ROBO1: variants seen among roughly 807,000 people sequenced by gnomAD.
ROBO1 encodes roundabout guidance receptor 1.
A neutral mutation model predicts 195.9 loss-of-function variants in ROBO1; 149 were observed. That is an observed-to-expected ratio of 0.76 (90% CI 0.67 to 0.87). ROBO1 has a LOEUF of 0.87. Among genes scored for constraint, ROBO1 ranks in the 40% least tolerant of loss-of-function variants. The pLI, the probability that ROBO1 is intolerant of heterozygous loss-of-function variation, is 0.00. For synonymous variants in ROBO1, 816 were observed against 733.2 expected (o/e 1.11, Z -1.82); for missense variants, 1,933 against 2,068.3 (o/e 0.93, Z 1.27).
intron 8 of ROBO1, among the ~76,000 whole-genome samples, chr3:78,702,118 A>T (rs1451751945): frequency 1.3e-5 from 2 of 152,166 alleles, no homozygotes; most frequent in African/African-American, 4.8e-5. Context: ...AGGACACCAG[A>T]TGCTATGTAA....
chr3:79,022,643 C>T (rs890207187), intron 3 of ROBO1, among the ~76,000 whole-genome samples: 1 of 152,192 alleles, frequency 6.6e-6, no homozygotes, highest in Non-Finnish European at 1.5e-5. Flanking sequence ...CTTGACTCAT[C>T]AGTTTGGGTG....
intron 2 of ROBO1, among the ~76,000 whole-genome samples, chr3:79,579,416 G>C (rs1231777178): frequency 6.6e-6 from 1 of 152,102 alleles, no homozygotes; most frequent in Non-Finnish European, 1.5e-5. Flanking sequence ...GACACCCTTA[G>C]GTAGAAGAAA....
chr3:79,320,602 G>A lies in ROBO1; in HGVS notation c.89-195063C>T, dbSNP rs908441406. 1.1e-4 allele frequency among the ~76,000 whole-genome samples: 16 copies of A among 152,088 alleles called. No individual in the cohort carries two copies. In the East Asian group the frequency reaches 1.2e-3, roughly 11 times the overall value. ...ACCTGGGCTTCCCAAAGATCTGGGC[G>A]TCACATCTTTAATACCATCACATTG... On this transcript the variant is annotated intron_variant, in intron 2 of 30. Coordinates refer to ENST00000464233, the MANE Select transcript of ROBO1 (RefSeq NM_002941.4).
chr3:78,691,954 G>C (rs2081185040), intron 8 of ROBO1, among the ~76,000 whole-genome samples: 1 of 151,742 alleles, frequency 6.6e-6, no homozygotes, highest in African/African-American at 2.4e-5. Context: ...CCTATATGTT[G>C]CAAATATATT....
chr3:79,309,281 C>CT (rs2033369867), intron 2 of ROBO1, among the ~76,000 whole-genome samples: 1 of 152,052 alleles, frequency 6.6e-6, no homozygotes, highest in Non-Finnish European at 1.5e-5. Context: ...GAACTAATCA[C>CT]TGTGAGGCTG....
Position 79,653,896 on chromosome 3 carries a change from A to G in ROBO1, c.-50-63935T>C, listed in dbSNP as rs958237596. Reference sequence around the variant, plus strand: ...ATTTCAGTTTACAAATTATAACTGAAGATTGGAAGTTCCTTTCCCTAAACT... The same window carrying G: ...ATTTCAGTTTACAAATTATAACTGAGGATTGGAAGTTCCTTTCCCTAAACT... On this transcript the variant is annotated intron_variant, in intron 1 of 30. Coordinates refer to ENST00000464233, the MANE Select transcript of ROBO1 (RefSeq NM_002941.4). Among the ~76,000 whole-genome samples the G allele has an allele frequency of 3.9e-4, 60 of 152,132 alleles. 1 individual carries two copies. Among genetic ancestry groups the G allele is most frequent in the African/African-American group, 1.3e-3 (55 of 41,574 alleles).
chr3:79,669,626 A>T (rs973843640), intron 1 of ROBO1, among the ~76,000 whole-genome samples: 12 of 151,890 alleles, frequency 7.9e-5, no homozygotes, highest in Non-Finnish European at 1.5e-4. Flanking sequence ...GCACTCTATG[A>T]TTGCATAATG....
intron 2 of ROBO1, among the ~76,000 whole-genome samples, chr3:79,493,724 A>G (rs981779510): frequency 2.0e-5 from 3 of 152,102 alleles, no homozygotes; most frequent in African/African-American, 7.2e-5. Flanking sequence ...ATGGGTACAC[A>G]TTAAGCATAC....
intron 2 of ROBO1, among the ~76,000 whole-genome samples, chr3:79,180,749 G>A (rs1172160887): frequency 6.6e-6 from 1 of 152,160 alleles, no homozygotes; most frequent in African/African-American, 2.4e-5. Context: ...TCAGTGTTAT[G>A]ATGGGTCATG....
chr3:79,649,346 A>G (rs1560068831), intron 1 of ROBO1, among the ~76,000 whole-genome samples: 1 of 152,070 alleles, frequency 6.6e-6, no homozygotes, highest in South Asian at 2.1e-4. Context: ...CTCCATATAC[A>G]TTTGTTTATA....
chr3:79,467,813 T>C (rs1938049059), intron 2 of ROBO1, among the ~76,000 whole-genome samples: 1 of 152,202 alleles, frequency 6.6e-6, no homozygotes, highest in African/African-American at 2.4e-5. Context: ...GTAACACCCC[T>C]AGACTGCCGT....
chr3:79,662,968 T>C (rs1946374831), intron 1 of ROBO1, among the ~76,000 whole-genome samples: 1 of 152,044 alleles, frequency 6.6e-6, no homozygotes, highest in Non-Finnish European at 1.5e-5. Flanking sequence ...TAAGGTGGTA[T>C]TTATTATTGA....
rs565047218 is a variant in ROBO1, at chr3:78,631,735, T to C, written c.3482-430A>G. 6.6e-5 allele frequency among the ~76,000 whole-genome samples: 10 copies of C among 152,300 alleles called. No homozygotes were observed. In the East Asian group the frequency reaches 1.5e-3, roughly 24 times the overall value. ...CATTAAATCACTGAATATATATAATTTGTACTTGTCCATTGAAATGTTTTA... is the reference window on the plus strand; with the variant it reads ...CATTAAATCACTGAATATATATAATCTGTACTTGTCCATTGAAATGTTTTA... On this transcript the variant is annotated intron_variant, in intron 24 of 30. Coordinates refer to ENST00000464233, the MANE Select transcript of ROBO1 (RefSeq NM_002941.4).
chr3:78,744,573 C>G (rs2082611085), intron 5 of ROBO1, among the ~76,000 whole-genome samples: 1 of 152,198 alleles, frequency 6.6e-6, no homozygotes, highest in South Asian at 2.1e-4. Context: ...TCATTCTGTT[C>G]AACCAACACT....
At chr3:78,923,066 T>C (rs2039031340) in intron 4 of ROBO1, among the ~76,000 whole-genome samples, 2 of 152,188 alleles carry the variant, frequency 1.3e-5, no homozygotes, top group South Asian at 2.1e-4. Flanking sequence ...TATCCAATTA[T>C]GCAATTATTA....
chr3:78,989,446 T>C (rs1342227008), intron 3 of ROBO1, among the ~76,000 whole-genome samples: 1 of 152,166 alleles, frequency 6.6e-6, no homozygotes, highest in African/African-American at 2.4e-5. Context: ...AAACCTTGTC[T>C]CTACTAAAAA....
chr3:79,106,339 A>G (rs2079779328), intron 3 of ROBO1, among the ~76,000 whole-genome samples: 1 of 151,690 alleles, frequency 6.6e-6, no homozygotes, highest in South Asian at 2.1e-4. Flanking sequence ...TATTATTGTG[A>G]TATCACATTC....
chr3:79,702,183 C>A (rs1220362058), intron 1 of ROBO1, among the ~76,000 whole-genome samples: 1 of 151,816 alleles, frequency 6.6e-6, no homozygotes, highest in African/African-American at 2.4e-5. Context: ...ATGCACAATT[C>A]TAAGGATATT....
intron 2 of ROBO1, among the ~76,000 whole-genome samples, chr3:79,388,513 G>A (rs8179916): frequency 0.5 from 75,115 of 151,116 alleles, 18,755 homozygotes; most frequent in East Asian, 0.62. Context: ...TCTCAAGTAG[G>A]AAAAAAACAA....
Sources: allele counts gnomAD v4.1 joint callset (sites outside exome capture counted in the v4.1 genomes callset), GRCh38; gene constraint gnomAD v4.1.1; transcripts MANE v1.5; gene names NCBI Gene and HGNC (gene_info 2026-07-23, HGNC 2026-07-21).